The following GAB3 variants were observed in gnomAD, a reference collection of about 807,000 sequenced individuals.
GAB3 encodes the protein GRB2-associated-binding protein 3.
Under a neutral mutation model 40.4 loss-of-function variants are expected in GAB3, and 12 were observed. The ratio of observed to expected loss-of-function variants is 0.30; its 90% CI spans 0.19 to 0.48. The LOEUF (loss-of-function observed/expected upper bound fraction) is 0.48, where lower values mean the gene tolerates loss of function less well. GAB3 is among the 20% of genes least tolerant of loss of function. The pLI, the probability that GAB3 is intolerant of heterozygous loss-of-function variation, is 0.99. For synonymous variants in GAB3, 154 were observed against 176.7 expected (o/e 0.87, Z 1.02); for missense variants, 381 against 461.9 (o/e 0.82, Z 1.61).
intron 8 of GAB3, among the ~76,000 whole-genome samples, chrX:154,682,322 G>A (rs1308888830): frequency 2.7e-5 from 3 of 111,156 alleles, no homozygotes; most frequent in East Asian, 2.8e-4. Context: ...TTGAGTTATC[G>A]CTTCATCTAA....
intron 1 of GAB3, among the ~76,000 whole-genome samples, chrX:154,722,311 G>T (rs1469519766): frequency 9.0e-6 from 1 of 111,257 alleles, no homozygotes; most frequent in Non-Finnish European, 1.9e-5. Flanking sequence ...GAAATGGGAA[G>T]ATGTAGGTCA....
rs189533975 is a variant in GAB3, at chrX:154,712,762, A to G, written c.597-61T>C. ...CAGCCATCCACCCACCACAAAACCAACGCTGGCCTCATTCCCATCTCCCCA... is the reference window on the plus strand; with the variant it reads ...CAGCCATCCACCCACCACAAAACCAGCGCTGGCCTCATTCCCATCTCCCCA... On this transcript the variant is annotated intron_variant, in intron 3 of 9. Transcript: ENST00000424127. 66 of 701,822 alleles carry G rather than the reference A, an allele frequency of 9.4e-5. No individual in the cohort carries two copies. The African/African-American group carries it at 1.2e-3, about 13-fold the overall frequency. The allele number at this position is 701,822 out of a possible 1,213,427, so 57.8% of individuals were successfully genotyped here. A position where few individuals can be genotyped will look rare whatever the true frequency, so the allele number is the denominator to read the frequency against.
At chrX:154,741,246 T>C (rs782380293) in intron 1 of GAB3, among the ~76,000 whole-genome samples, 6 of 112,138 alleles carry the variant, frequency 5.4e-5, no homozygotes, top group Admixed American at 2.8e-4. Context: ...TTTGAGCCCA[T>C]TAAACCTCTT....
At chrX:154,709,854 A>G (rs1312534909) in intron 4 of GAB3, among the ~76,000 whole-genome samples, 1 of 111,958 alleles carries the variant, frequency 8.9e-6, no homozygotes, top group Non-Finnish European at 1.9e-5. Context: ...AGAAAAAAAA[A>G]TACTGCACGA....
Position 154,712,366 on chromosome X carries a change from C to A in GAB3, c.932G>T (p.Arg311Leu). 1.7e-6 allele frequency: 2 copies of A among 1,210,955 alleles called. No homozygotes were observed. The highest frequency in any genetic ancestry group is 1.8e-5 in the South Asian group (1 of 56,923). ...AGACAGATGGCTTGGCTTAGGGGGG[C>A]GGGGAGGTGGAGTGTTGGACATAAT... The part of the protein sequence containing the change: ...LDIMSNTPPP[R>L]PPKPSHLSER... The change falls in exon 4 of 10, where the codon CGC becomes CTC. Residue 311 changes from arginine (R) to leucine (L), a missense_variant. Physicochemically the swap from Arg to Leu is moderately radical, Grantham distance 102 (BLOSUM62 -2). Coordinates refer to ENST00000424127, the MANE Select transcript of GAB3 (RefSeq NM_001081573.3).
chrX:154,677,627 T>C lies in GAB3; in HGVS notation c.*551A>G, dbSNP rs782742034. 1 of 113,792 alleles carries C rather than the reference T, an allele frequency of 8.8e-6. No individual in the cohort carries two copies. Among genetic ancestry groups the C allele is most frequent in the African/African-American group, 3.2e-5 (1 of 30,826 alleles). The allele number at this position is 113,792 out of a possible 1,213,427, so 9.4% of individuals were successfully genotyped here. The stretch of plus-strand genomic sequence containing the variant: ...TGCAATATCCTTAGAGCCACCAGTG[T>C]CATCTGATATACTTATCTCAGAGCC... On this transcript the variant is annotated 3_prime_UTR_variant, in exon 10 of 10. Coordinates refer to ENST00000424127, the MANE Select transcript of GAB3 (RefSeq NM_001081573.3).
intron 7 of GAB3, chrX:154,696,239 C>G: frequency 3.7e-6 from 1 of 269,886 alleles, no homozygotes; most frequent in South Asian, 1.3e-4. Flanking sequence ...TTTTCTCAGG[C>G]CCTCTATGTG....
In GAB3 at chrX:154,676,310, A is replaced by C. The variant is rs782476881; in HGVS notation, c.*1868T>G. On this transcript the variant is annotated 3_prime_UTR_variant, in exon 10 of 10. Transcript: ENST00000424127. ...TTGTCAGATAATCAGTGATCCTAAC[A>C]CAAGTGCTCCACACGAGGGAACTAC... 1 of 111,648 alleles carries C rather than the reference A, an allele frequency of 9.0e-6. No homozygotes were observed. The highest frequency in any genetic ancestry group is 2.8e-4 in the East Asian group (1 of 3,567). 9.2% of individuals were successfully genotyped at this position (111,648 alleles called of 1,213,427 possible). A position where few individuals can be genotyped will look rare whatever the true frequency, so the allele number is the denominator to read the frequency against.
chrX:154,708,569 C>T (rs782599479), intron 4 of GAB3, among the ~76,000 whole-genome samples: 11 of 111,838 alleles, frequency 9.8e-5, no homozygotes, highest in Admixed American at 3.8e-4. Flanking sequence ...GGCAAAGATC[C>T]GAATAGACAT....
Position 154,712,277 on chromosome X carries a change from G to A in GAB3, c.1021C>T (p.Pro341Ser). 1 of 1,207,660 alleles carries A rather than the reference G, an allele frequency of 8.3e-7. No homozygotes were observed. Among genetic ancestry groups the A allele is most frequent in the Non-Finnish European group, 1.1e-6 (1 of 893,066 alleles). Residue 341 changes from proline to serine, a missense_variant, in exon 4 of 10, where the codon CCA (proline) becomes TCA (serine). Coordinates refer to ENST00000424127, the MANE Select transcript of GAB3 (RefSeq NM_001081573.3). ...GSKKPECTLV[P>S]RRISLSGLDN... ...AAACCAGAGAGGGAGATTCTTCTTG[G>A]AACCAGAGTGCATTCTGGCTTCTTG...
chrX:154,679,390 T>C (rs1225048858), intron 9 of GAB3: 5 of 239,460 alleles, frequency 2.1e-5, no homozygotes, highest in African/African-American at 1.2e-4. Context: ...TGGGGGTTGT[T>C]TGTCTACCAA....
intron 1 of GAB3, among the ~76,000 whole-genome samples, chrX:154,740,877 T>C (rs1279898933): frequency 8.9e-6 from 1 of 112,396 alleles, no homozygotes; most frequent in Non-Finnish European, 1.9e-5. Flanking sequence ...GCCAAATTCA[T>C]TGTGGTGGAG....
intron 4 of GAB3, among the ~76,000 whole-genome samples, chrX:154,706,912 C>A (rs1557253758): frequency 1.3e-5 from 1 of 77,919 alleles, no homozygotes; most frequent in Non-Finnish European, 2.5e-5. Flanking sequence ...AGAATGAGAC[C>A]TTGTTTCTGA....
chrX:154,738,430 A>G (rs1319948940), intron 1 of GAB3, among the ~76,000 whole-genome samples: 2 of 112,610 alleles, frequency 1.8e-5, no homozygotes, highest in Non-Finnish European at 3.8e-5. Flanking sequence ...GGTGTTCTGT[A>G]TATTCTAAGG....
chrX:154,750,778 C>A (rs936780031), intron 1 of GAB3, among the ~76,000 whole-genome samples, 176 bp downstream of exon 1: 1 of 111,867 alleles, frequency 8.9e-6, no homozygotes, highest in Admixed American at 9.3e-5. Flanking sequence ...CCTAGCACAG[C>A]GGCGAAGCTG....
chrX:154,719,112 C>T (rs1260975176), intron 1 of GAB3, among the ~76,000 whole-genome samples: 1 of 111,545 alleles, frequency 9.0e-6, no homozygotes, highest in Non-Finnish European at 1.9e-5. Flanking sequence ...GCGTAGTGAG[C>T]GGTCTAGCAG....
intron 3 of GAB3, 76 bp downstream of exon 3, chrX:154,713,131 T>G (rs1557256687): frequency 3.6e-6 from 3 of 830,413 alleles, no homozygotes; most frequent in Non-Finnish European, 5.4e-6. Flanking sequence ...AGCTACGGAC[T>G]GCAAGAGGAG....
intron 8 of GAB3, among the ~76,000 whole-genome samples, chrX:154,687,353 C>T (rs1372995299): frequency 9.1e-6 from 1 of 110,288 alleles, no homozygotes; most frequent in Non-Finnish European, 1.9e-5. Flanking sequence ...AGTGTTAGGC[C>T]AGGCGTGGTG....
intron 1 of GAB3, among the ~76,000 whole-genome samples, chrX:154,736,292 G>A (rs1557260523): frequency 8.9e-6 from 1 of 112,319 alleles, no homozygotes. Flanking sequence ...CACTTGATTA[G>A]GAGCGAATGA....
Sources: allele counts gnomAD v4.1 joint callset (sites outside exome capture counted in the v4.1 genomes callset), GRCh38; gene constraint gnomAD v4.1.1; transcripts MANE v1.5; gene names NCBI Gene and HGNC (gene_info 2026-07-23, HGNC 2026-07-21).